Variants in KCTD4 observed in about 807,000 individuals in gnomAD.
KCTD4 encodes BTB/POZ domain-containing protein KCTD4.
A neutral mutation model predicts 18.3 loss-of-function variants in KCTD4; 12 were observed. That is an observed-to-expected ratio of 0.66 (90% CI 0.42 to 1.06). The LOEUF is 1.06. Ranked by LOEUF, KCTD4 falls within the 50% of genes least tolerant of loss-of-function variation. KCTD4 has a pLI of 0.00. For synonymous variants in KCTD4, 124 were observed against 110.5 expected (o/e 1.12, Z -0.76); for missense variants, 250 against 303.4 (o/e 0.82, Z 1.31).
At chr13:45,199,785 A>G (rs1354580072) in intron 1 of KCTD4, among the ~76,000 whole-genome samples, 1 of 152,196 alleles carries the variant, frequency 6.6e-6, no homozygotes, top group Non-Finnish European at 1.5e-5. Flanking sequence ...TTAGGAAGTA[A>G]ATGACTAAAG....
rs1566130531 is a variant in KCTD4 at position 45,194,183 on chromosome 13, T to G, written c.385A>C (p.Arg129=). 8.1e-6 allele frequency: 13 copies of G among 1,614,178 alleles called. No individual in the cohort carries two copies. The highest frequency in any genetic ancestry group is 1.0e-5 in the Non-Finnish European group (12 of 1,180,010). ...GGTGTTAGCTGTTCTTTCTCCCACC[T>G]GGATTTCACTTCCTCTGCCAGTCCC... is the stretch of plus-strand genomic sequence containing the variant. ...LKGLAEEVKS[R]WEKEQLTPRE... The change falls in exon 2 of 2, where the codon AGG becomes CGG. Residue 129 remains arginine (R), a synonymous_variant. Coordinates refer to ENST00000379108, the MANE Select transcript of KCTD4 (RefSeq NM_198404.3).
At chr13:45,195,004 A>G (rs2138174537) in intron 1 of KCTD4, among the ~76,000 whole-genome samples, 1 of 152,348 alleles carries the variant, frequency 6.6e-6, no homozygotes, top group African/African-American at 2.4e-5. Flanking sequence ...ATCTTTTGGA[A>G]AATAATGTAT....
intron 1 of KCTD4, among the ~76,000 whole-genome samples, chr13:45,198,541 C>A (rs1873015700): frequency 6.6e-6 from 1 of 152,178 alleles, no homozygotes; most frequent in African/African-American, 2.4e-5. Flanking sequence ...TTCTCCCCTG[C>A]TATCAAATCT....
chr13:45,200,246 T>TGA (rs1247471695), intron 1 of KCTD4, among the ~76,000 whole-genome samples: 1 of 151,654 alleles, frequency 6.6e-6, no homozygotes, highest in African/African-American at 2.4e-5. Flanking sequence ...TGCAGGGAGA[T>TGA]GAGAGAGAGA....
intron 1 of KCTD4, among the ~76,000 whole-genome samples, chr13:45,195,789 G>A (rs1042680377): frequency 5.3e-5 from 8 of 152,034 alleles, no homozygotes; most frequent in Non-Finnish European, 1.2e-4. Flanking sequence ...AATTATTCTG[G>A]GAAACTACAT....
At chr13:45,198,060 TAGAC>T (rs1308637150) in intron 1 of KCTD4, among the ~76,000 whole-genome samples, 9 of 152,250 alleles carry the variant, frequency 5.9e-5, no homozygotes, top group African/African-American at 1.9e-4. Flanking sequence ...ACCTCTGTCT[TAGAC>T]AGCTTTAATC....
Position 45,194,791 on chromosome 13 carries a change from G to C in KCTD4, c.-187-37C>G, listed in dbSNP as rs981888752. The C allele has an allele frequency of 1.3e-5, 7 of 543,940 alleles. No homozygotes were observed. In the Admixed American group the frequency reaches 2.0e-4, roughly 16 times the overall value. The allele number at this position is 543,940 out of a possible 1,614,324, so 33.7% of individuals were successfully genotyped here. ...CGGAAAAGAGAATTTGCATTTAACT[G>C]TATCAGGGAAGGGATTTGTTGTGAA... On this transcript the variant is annotated intron_variant, in intron 1 of 1. Coordinates refer to ENST00000379108, the MANE Select transcript of KCTD4 (RefSeq NM_198404.3).
At chr13:45,196,649 A>T (rs947185593) in intron 1 of KCTD4, among the ~76,000 whole-genome samples, 1 of 152,218 alleles carries the variant, frequency 6.6e-6, no homozygotes, top group Non-Finnish European at 1.5e-5. Flanking sequence ...TTAGTACAAC[A>T]TAACTGTAGT....
chr13:45,199,205 T>C (rs937815588), intron 1 of KCTD4, among the ~76,000 whole-genome samples: 16 of 152,358 alleles, frequency 1.1e-4, no homozygotes, highest in African/African-American at 3.8e-4. Context: ...TTTTGCAGTG[T>C]TGAACTGCGT....
chr13:45,194,346 A>G lies in KCTD4; in HGVS notation c.222T>C (p.Asp74=), dbSNP rs1872781471. ...NGKILCPFDA[D]GHYFIDRDGL... is the part of the protein sequence containing the mutation. ...CATCCCTGTCTATGAAATAATGACC[A>G]TCAGCATCAAACGGGCAGAGGATTT... Residue 74 remains aspartate, a synonymous_variant, in exon 2 of 2, where the codon GAT becomes GAC. Coordinates refer to ENST00000379108, the MANE Select transcript of KCTD4 (RefSeq NM_198404.3). 6.2e-7 allele frequency: 1 copy of G among 1,614,200 alleles called. No individual in the cohort carries two copies. The highest frequency in any genetic ancestry group is 2.2e-5 in the East Asian group (1 of 44,884).
chr13:45,198,785 T>C (rs1873032669), intron 1 of KCTD4, among the ~76,000 whole-genome samples: 1 of 152,094 alleles, frequency 6.6e-6, no homozygotes, highest in African/African-American at 2.4e-5. Flanking sequence ...TAACATGTAC[T>C]TGCTTCATTG....
chr13:45,200,596 AT>A (rs1470635741), intron 1 of KCTD4, among the ~76,000 whole-genome samples: 6 of 152,216 alleles, frequency 3.9e-5, no homozygotes, highest in African/African-American at 1.4e-4. Context: ...GCGTGGCAAA[AT>A]TCCTGAAGAT....
Position 45,193,670 on chromosome 13 carries a change from G to C in KCTD4, c.*118C>G. ...ACCGTTAGCTCACAGTAATTGATTA[G>C]TAGCAGGGCTCTGTAGTACAGAGCT... On this transcript the variant is annotated 3_prime_UTR_variant, in exon 2 of 2. Transcript: ENST00000379108. 3 of 876,974 alleles carry C rather than the reference G, an allele frequency of 3.4e-6. No individual in the cohort carries two copies. The highest frequency in any genetic ancestry group is 5.3e-6 in the Non-Finnish European group (3 of 564,482). 54.3% of individuals were successfully genotyped at this position (876,974 alleles called of 1,614,324 possible).
rs1872768572 is a variant in KCTD4, at chr13:45,194,110, T to C, written c.458A>G (p.Gln153Arg). 6.2e-7 allele frequency: 1 copy of C among 1,614,108 alleles called. No homozygotes were observed. The highest frequency in any genetic ancestry group is 1.1e-5 in the South Asian group (1 of 91,086). The change falls in exon 2 of 2, where the codon CAA (glutamine) becomes CGA (arginine). Residue 153 changes from glutamine to arginine, a missense_variant. By Grantham distance (43) the Gln-to-Arg change is conservative. Coordinates refer to ENST00000379108, the MANE Select transcript of KCTD4 (RefSeq NM_198404.3). The stretch of plus-strand genomic sequence containing the variant: ...AGCATTACAGAAGATTCTTAATCCT[T>C]GTGAACGATCGTGGTTATCTGTTAT... ...LEITDNHDRSQGLRIFCNAPD... is the reference protein window; with the variant it reads ...LEITDNHDRSRGLRIFCNAPD...
At chr13:45,199,119 G>A (rs1873047749) in intron 1 of KCTD4, among the ~76,000 whole-genome samples, 1 of 152,184 alleles carries the variant, frequency 6.6e-6, no homozygotes, top group Admixed American at 6.5e-5. Context: ...ACCTTCCTAG[G>A]ACTAATAGGA....
chr13:45,200,666 A>G (rs1157948914), intron 1 of KCTD4, among the ~76,000 whole-genome samples, 158 bp downstream of exon 1: 6 of 152,154 alleles, frequency 3.9e-5, no homozygotes, highest in Admixed American at 3.9e-4. Context: ...TAATACAGGG[A>G]TAGAAAGTTT....
intron 1 of KCTD4, among the ~76,000 whole-genome samples, chr13:45,196,237 T>C (rs1872884716): frequency 6.6e-6 from 1 of 152,214 alleles, no homozygotes; most frequent in African/African-American, 2.4e-5. Context: ...TTAGAGACTG[T>C]GAAATTCAAC....
At chr13:45,195,457 C>T (rs1478371316) in intron 1 of KCTD4, among the ~76,000 whole-genome samples, 5 of 151,970 alleles carry the variant, frequency 3.3e-5, no homozygotes, top group Middle Eastern at 3.4e-3. Flanking sequence ...ATGTATATAC[C>T]GTAGGAAGAT....
At chr13:45,199,168 G>T (rs1452976095) in intron 1 of KCTD4, among the ~76,000 whole-genome samples, 1 of 152,210 alleles carries the variant, frequency 6.6e-6, no homozygotes, top group Non-Finnish European at 1.5e-5. Flanking sequence ...ACATGTCATT[G>T]CAGTCCAAAG....
Sources: allele counts gnomAD v4.1 joint callset (sites outside exome capture counted in the v4.1 genomes callset), GRCh38; gene constraint gnomAD v4.1.1; transcripts MANE v1.5; gene names NCBI Gene and HGNC (gene_info 2026-07-23, HGNC 2026-07-21).